The following PRUNE2 variants were observed in gnomAD, a reference collection of about 807,000 sequenced individuals.
The protein encoded by PRUNE2 is prune homolog 2 with BCH domain.
Under a neutral mutation model 252.0 loss-of-function variants are expected in PRUNE2, and 164 were observed. That is an observed-to-expected ratio of 0.65 (90% CI 0.57 to 0.74). The LOEUF is 0.74. Ranked by LOEUF, PRUNE2 falls within the 30% of genes least tolerant of loss-of-function variation. The pLI is 0.00. For synonymous variants in PRUNE2, 1,292 were observed against 1,350.2 expected, an observed-to-expected ratio of 0.96 and a Z score of 0.94; for missense variants, 3,495 against 3,711.0, an observed-to-expected ratio of 0.94 and a Z score of 1.51.
At chr9:76,689,007 G>A (rs2044419762) in intron 9 of PRUNE2, among the ~76,000 whole-genome samples, 1 of 152,098 alleles carries the variant, frequency 6.6e-6, no homozygotes, top group African/African-American at 2.4e-5. Flanking sequence ...TACAACAAAG[G>A]AAATGAAGCA....
rs370679936 is a variant in PRUNE2 at position 76,629,292 on chromosome 9, TAAAAAAA to T, written c.9051-9_9051-3del. Reference sequence around the variant, plus strand: ...TTAATTTTACTGCTGAATTTTGAACTAAAAAAAAAAAAAAGAAAAAAATATGTATCAT... The same window carrying T: ...TTAATTTTACTGCTGAATTTTGAACTAAAAAAAGAAAAAAATATGTATCAT... On this transcript the variant is annotated splice_region_variant and splice_polypyrimidine_tract_variant and intron_variant, in intron 15 of 18. Transcript: ENST00000376718. 3.4e-6 allele frequency: 4 copies of T among 1,161,778 alleles called. No individual in the cohort carries two copies. Among genetic ancestry groups the T allele is most frequent in the South Asian group, 1.5e-5 (1 of 68,692 alleles). The allele number at this position is 1,161,778 out of a possible 1,614,324, so 72.0% of individuals were successfully genotyped here.
At chr9:76,653,525 T>G (rs1022799985) in intron 10 of PRUNE2, among the ~76,000 whole-genome samples, 54 of 152,228 alleles carry the variant, frequency 3.5e-4, no homozygotes, top group Non-Finnish European at 7.3e-5. Context: ...TTTTTTTCTT[T>G]GAATATTTTT....
intron 6 of PRUNE2, among the ~76,000 whole-genome samples, chr9:76,741,291 A>G (rs1244810597): frequency 6.6e-6 from 1 of 152,204 alleles, no homozygotes; most frequent in Non-Finnish European, 1.5e-5. Flanking sequence ...TCCCTCTTGA[A>G]GTTATCAAGA....
chr9:76,872,642 C>CACACAT lies in PRUNE2; in HGVS notation c.37-18435_37-18434insATGTGT, dbSNP rs1248594638. Among the ~76,000 whole-genome samples the CACACAT allele has an allele frequency of 9.3e-4, 141 of 151,104 alleles. 1 individual carries two copies. Among genetic ancestry groups the CACACAT allele is most frequent in the African/African-American group, 3.4e-3 (139 of 40,960 alleles). On this transcript the variant is annotated intron_variant, in intron 1 of 18. Transcript: ENST00000376718. ...ACACACACACACACACACACACACA[C>CACACAT]ACCCTCACACCTCAAAACTCCCTAT...
At chr9:76,885,847 ATT>A (rs59132509) in intron 1 of PRUNE2, among the ~76,000 whole-genome samples, 15 of 151,302 alleles carry the variant, frequency 9.9e-5, no homozygotes, top group Non-Finnish European at 1.9e-4. Context: ...TATTTAGTGA[ATT>A]TTTTTTTTAT....
In PRUNE2 at chr9:76,708,206, AGAAATCCCT is replaced by A. The variant is rs1167261555; in HGVS notation, c.4059_4067del (p.Gly1354_Ser1356del). 6.2e-7 allele frequency: 1 copy of A among 1,613,928 alleles called. No individual in the cohort carries two copies. The highest frequency in any genetic ancestry group is 1.7e-5 in the Admixed American group (1 of 60,016). ...GTTCCTGGTCACTCTGCCCTTTTTCAGAAATCCCTGAGGCATTCTCCACACCAGAGGCGA... is the reference window on the plus strand; with the variant it reads ...GTTCCTGGTCACTCTGCCCTTTTTCAGAGGCATTCTCCACACCAGAGGCGA... On this transcript the variant is annotated inframe_deletion, in exon 8 of 19. Coordinates refer to ENST00000376718, the MANE Select transcript of PRUNE2 (RefSeq NM_015225.3).
intron 9 of PRUNE2, among the ~76,000 whole-genome samples, chr9:76,683,244 CA>C (rs1358223273): frequency 6.6e-6 from 1 of 152,208 alleles, no homozygotes; most frequent in Non-Finnish European, 1.5e-5. Flanking sequence ...CAAGGAGACT[CA>C]ACCCAGATTT....
At chr9:76,820,756 A>T (rs936607415) in intron 6 of PRUNE2, among the ~76,000 whole-genome samples, 36 of 152,142 alleles carry the variant, frequency 2.4e-4, no homozygotes, top group Admixed American at 2.3e-3. Context: ...CATCTGCTTG[A>T]TGTTATCCTT....
At chr9:76,642,001 T>TAAAAAAAAAAAAAAGAAA in intron 12 of PRUNE2, 1 of 1,010,460 alleles carries the variant, frequency 9.9e-7, no homozygotes, top group East Asian at 2.8e-5. Context: ...ATAAGAGAAG[T>TAAAAAAAAAAAAAAGAAA]AAAAAAAAAA....
At chr9:76,851,364 G>A (rs563922078) in intron 2 of PRUNE2, among the ~76,000 whole-genome samples, 2 of 152,184 alleles carry the variant, frequency 1.3e-5, no homozygotes, top group South Asian at 4.1e-4. Context: ...TGGCTAACAC[G>A]GTGAAACCCC....
intron 6 of PRUNE2, among the ~76,000 whole-genome samples, chr9:76,815,082 T>C (rs1328639859): frequency 2.0e-5 from 3 of 152,182 alleles, no homozygotes; most frequent in African/African-American, 7.2e-5. Context: ...TCAGTGGAGA[T>C]TTCTGGGACC....
At chr9:76,746,533 G>A (rs1208542258) in intron 6 of PRUNE2, among the ~76,000 whole-genome samples, 4 of 151,108 alleles carry the variant, frequency 2.6e-5, no homozygotes, top group South Asian at 2.1e-4. Flanking sequence ...GTGAAACCCC[G>A]TCTCTACTAA....
chr9:76,746,597 G>T (rs942635599), intron 6 of PRUNE2, among the ~76,000 whole-genome samples: 1 of 151,250 alleles, frequency 6.6e-6, no homozygotes, highest in Non-Finnish European at 1.5e-5. Context: ...CCCAGCTACT[G>T]GGGAGGCTGA....
intron 6 of PRUNE2, among the ~76,000 whole-genome samples, chr9:76,794,998 G>A (rs537944112): frequency 3.3e-5 from 5 of 152,182 alleles, no homozygotes; most frequent in South Asian, 2.1e-4. Flanking sequence ...TGCCTGCCAC[G>A]AAGGAAGGCA....
intron 6 of PRUNE2, chr9:76,737,080 G>A (rs373575702): frequency 6.6e-6 from 1 of 152,196 alleles, no homozygotes; most frequent in African/African-American, 2.4e-5. Context: ...CAGCAGCCAA[G>A]TTCTTTTCGT....
chr9:76,784,482 C>A (rs911667368), intron 6 of PRUNE2: 11 of 152,216 alleles, frequency 7.2e-5, no homozygotes, highest in African/African-American at 2.4e-4. Context: ...ATAACCAAAT[C>A]ATTTCATATT....
intron 16 of PRUNE2, chr9:76,627,766 G>A (rs551635851): frequency 4.1e-4 from 106 of 260,608 alleles, no homozygotes; most frequent in African/African-American, 2.0e-3. Flanking sequence ...TTGAATTTCC[G>A]TTCCATCTCT....
chr9:76,890,777 T>A (rs569881847), intron 1 of PRUNE2, among the ~76,000 whole-genome samples: 1 of 152,022 alleles, frequency 6.6e-6, no homozygotes, highest in South Asian at 2.1e-4. Flanking sequence ...AAAAAAATCA[T>A]ATTAAGTTTT....
chr9:76,731,275 C>CCTCTCT (rs769194090), intron 6 of PRUNE2, among the ~76,000 whole-genome samples: 51 of 131,338 alleles, frequency 3.9e-4, no homozygotes, highest in African/African-American at 1.5e-3. Context: ...ACATATATTC[C>CCTCTCT]CTCTCTCTAT....
Sources: allele counts gnomAD v4.1 joint callset (sites outside exome capture counted in the v4.1 genomes callset), GRCh38; gene constraint gnomAD v4.1.1; transcripts MANE v1.5; gene names NCBI Gene and HGNC (gene_info 2026-07-23, HGNC 2026-07-21).